DCDC1: variants seen among roughly 807,000 people sequenced by gnomAD.
DCDC1 encodes doublecortin domain containing 1, also known as doublecortin domain-containing protein 1.
In DCDC1, 200 loss-of-function variants were observed where a neutral mutation model predicts 178.3. That is an observed-to-expected ratio of 1.12 (90% confidence interval 1.00 to 1.26). DCDC1 has a LOEUF of 1.26. DCDC1 is among the 50% of genes most tolerant of loss of function. The pLI is 0.00. For synonymous variants in DCDC1, 690 were observed against 604.8 expected, an observed-to-expected ratio of 1.14 and a Z score of -2.07; for missense variants, 1,983 against 1,749.2, an observed-to-expected ratio of 1.13 and a Z score of -2.38.
chr11:31,178,788 G>A (rs185595877), intron 9 of DCDC1, among the ~76,000 whole-genome samples: 1 of 152,198 alleles, frequency 6.6e-6, no homozygotes, highest in Admixed American at 6.5e-5. Context: ...TACCTCCTGG[G>A]TTCAAGCAAT....
rs1366796369 is a variant in DCDC1 at position 31,241,469 on chromosome 11, G to A, written c.1202C>T (p.Ala401Val). ...ACTCACCTGTTTATAATATTTTTTT[G>A]CAGACTTTAATCGTTGGTACAGGGC... ...LLALYQRLKS[A>V]KKYYKQLNLV... Residue 401 changes from alanine (A) to valine (V), a missense_variant, in exon 9 of 39, where the codon GCA (alanine) becomes GTA (valine). Transcript: ENST00000684477. 3 of 396,674 alleles carry A rather than the reference G, an allele frequency of 7.6e-6. No homozygotes were observed. The highest frequency in any genetic ancestry group is 1.3e-5 in the Non-Finnish European group (3 of 224,650). The allele number at this position is 396,674 out of a possible 1,614,324, so 24.6% of individuals were successfully genotyped here.
At chr11:31,231,561 A>G (rs896151606) in intron 9 of DCDC1, among the ~76,000 whole-genome samples, 1 of 152,190 alleles carries the variant, frequency 6.6e-6, no homozygotes, top group Non-Finnish European at 1.5e-5. Flanking sequence ...TAAAAAGTGC[A>G]TATAGGAGTT....
chr11:31,341,414 GAT>G (rs1375447757), intron 1 of DCDC1, among the ~76,000 whole-genome samples: 2 of 148,182 alleles, frequency 1.3e-5, no homozygotes, highest in Admixed American at 6.9e-5. Context: ...TAGATAGATA[GAT>G]AGATAGATAG....
rs575566515 is a variant in DCDC1 at position 30,929,034 on chromosome 11, A to C, written c.2897+2737T>G. On this transcript the variant is annotated intron_variant, in intron 22 of 38. Transcript: ENST00000684477. ...GGAAACTATTTTGTGCATTTTTTAG[A>C]ATCTATATTTTATTAAATGAAATAG... Among the ~76,000 whole-genome samples the C allele has an allele frequency of 1.4e-4, 22 of 152,184 alleles. 1 individual carries two copies. In the South Asian group the frequency reaches 4.6e-3, roughly 32 times the overall value.
At chr11:31,133,240 C>T (rs1043964657) in intron 10 of DCDC1, among the ~76,000 whole-genome samples, 1 of 152,112 alleles carries the variant, frequency 6.6e-6, no homozygotes, top group African/African-American at 2.4e-5. Flanking sequence ...TGAATCCACC[C>T]ATGTTATTAA....
In DCDC1 at chr11:30,931,954, T is replaced by C; in HGVS notation, c.2716-2A>G. On this transcript the variant is annotated splice_acceptor_variant, in intron 21 of 38. Transcript: ENST00000684477. LOFTEE classifies it high-confidence loss of function. ...TCCTTGTATTGGCCAATCAAACTCCTTCAGAAAGAAATGACAAAAACATAA... is the reference window on the plus strand; with the variant it reads ...TCCTTGTATTGGCCAATCAAACTCCCTCAGAAAGAAATGACAAAAACATAA... 6.3e-7 allele frequency: 1 copy of C among 1,596,954 alleles called. No homozygotes were observed. The highest frequency in any genetic ancestry group is 8.5e-7 in the Non-Finnish European group (1 of 1,174,060).
chr11:31,018,578 C>T (rs1247912620), intron 20 of DCDC1, among the ~76,000 whole-genome samples: 3 of 152,072 alleles, frequency 2.0e-5, no homozygotes, highest in Non-Finnish European at 4.4e-5. Flanking sequence ...GTACTAACTA[C>T]AGTAGTAACA....
At chr11:31,263,631 A>C (rs1450927434) in intron 8 of DCDC1, among the ~76,000 whole-genome samples, 1 of 152,232 alleles carries the variant, frequency 6.6e-6, no homozygotes, top group African/African-American at 2.4e-5. Flanking sequence ...TGGCCAAAAA[A>C]TTTGAGTTAG....
intron 20 of DCDC1, among the ~76,000 whole-genome samples, chr11:31,035,722 T>C (rs891427839): frequency 5.3e-5 from 8 of 152,264 alleles, no homozygotes; most frequent in African/African-American, 1.7e-4. Flanking sequence ...GAAAATGTCT[T>C]GCTTTTCCTT....
intron 18 of DCDC1, among the ~76,000 whole-genome samples, chr11:31,077,414 T>C (rs556623995): frequency 1.3e-5 from 2 of 152,336 alleles, no homozygotes; most frequent in African/African-American, 4.8e-5. Flanking sequence ...ATCATAACTC[T>C]GAAGCTACTA....
chr11:30,871,801 T>C (rs1037349913), intron 38 of DCDC1, among the ~76,000 whole-genome samples: 1 of 152,076 alleles, frequency 6.6e-6, no homozygotes, highest in African/African-American at 2.4e-5. Context: ...ACATTTCCAT[T>C]ATTTCTAAGG....
chr11:31,066,191 G>T (rs1434929303), intron 18 of DCDC1, among the ~76,000 whole-genome samples: 5 of 152,120 alleles, frequency 3.3e-5, no homozygotes, highest in Middle Eastern at 3.2e-3. Context: ...GTGCACTTTT[G>T]TGTACCATGG....
chr11:30,888,098 AAAAGAAAGAAAG>A (rs59770180), intron 36 of DCDC1, among the ~76,000 whole-genome samples: 4,875 of 105,114 alleles, frequency 0.046, 183 homozygotes, highest in African/African-American at 0.062. Context: ...GAAAGAAAGA[AAAAGAAAGAAAG>A]AAAGAAAGAA....
intron 20 of DCDC1, among the ~76,000 whole-genome samples, chr11:30,980,021 T>G (rs1362886576): frequency 1.3e-5 from 2 of 152,166 alleles, no homozygotes; most frequent in Non-Finnish European, 2.9e-5. Context: ...TGAACACACA[T>G]GCAAACAATC....
At chr11:30,944,473 A>G (rs560802546) in intron 21 of DCDC1, 16 of 330,996 alleles carry the variant, frequency 4.8e-5, no homozygotes, top group Non-Finnish European at 9.2e-5. Flanking sequence ...TTTCCTAATC[A>G]CAGTTTATTT....
chr11:31,290,949 C>CAGGTAA, intron 6 of DCDC1, 97 bp from the exon 7 acceptor site: 2 of 1,056,836 alleles, frequency 1.9e-6, no homozygotes, highest in Non-Finnish European at 2.7e-6. Context: ...GTATTATACA[C>CAGGTAA]TGGCCAGTCT....
At chr11:31,153,558 G>A (rs573724375) in intron 9 of DCDC1, among the ~76,000 whole-genome samples, 26 of 152,108 alleles carry the variant, frequency 1.7e-4, no homozygotes, top group African/African-American at 5.3e-4. Context: ...CGAGGCGGGC[G>A]GATCACTTGA....
intron 9 of DCDC1, among the ~76,000 whole-genome samples, chr11:31,163,377 T>A (rs144568844): frequency 6.6e-6 from 1 of 152,186 alleles, no homozygotes; most frequent in South Asian, 2.1e-4. Flanking sequence ...CAGTCATGAA[T>A]GACCATTGAT....
At chr11:31,033,758 T>TTAAGTGA (rs1173366428) in intron 20 of DCDC1, among the ~76,000 whole-genome samples, 1 of 152,188 alleles carries the variant, frequency 6.6e-6, no homozygotes, top group Non-Finnish European at 1.5e-5. Context: ...TTCTTATCAC[T>TTAAGTGA]TAAGTGATAA....
Sources: allele counts gnomAD v4.1 joint callset (sites outside exome capture counted in the v4.1 genomes callset), GRCh38; gene constraint gnomAD v4.1.1; transcripts MANE v1.5; gene names NCBI Gene and HGNC (gene_info 2026-07-23, HGNC 2026-07-21).